The following SLC6A3 variants were observed in gnomAD, a reference collection of about 807,000 sequenced individuals.
SLC6A3 encodes sodium-dependent dopamine transporter.
In SLC6A3, 19 loss-of-function variants were observed where a neutral mutation model predicts 70.4. The ratio of observed to expected loss-of-function variants is 0.27; its 90% CI spans 0.19 to 0.40. SLC6A3 has a LOEUF of 0.40. Among genes scored for constraint, SLC6A3 ranks in the 10% least tolerant of loss-of-function variants. SLC6A3 has a pLI of 1.00. For missense variants in SLC6A3, 613 were observed against 838.5 expected (o/e 0.73, Z 3.32); for synonymous variants, 368 against 356.6 (o/e 1.03, Z -0.36).
chr5:1,443,867 G>T (rs1560929586), intron 1 of SLC6A3, among the ~76,000 whole-genome samples: 1 of 151,560 alleles, frequency 6.6e-6, no homozygotes, highest in Non-Finnish European at 1.5e-5. Context: ...TGTTGTTGTT[G>T]TTGTTTTTTT....
intron 1 of SLC6A3, among the ~76,000 whole-genome samples, chr5:1,443,705 G>A (rs1410851848): frequency 2.7e-5 from 4 of 150,826 alleles, no homozygotes; most frequent in Non-Finnish European, 1.5e-5. Context: ...ATGAGGTCTC[G>A]CTCTGTCACC....
At chr5:1,416,439 G>T in intron 6 of SLC6A3, 1 of 597,400 alleles carries the variant, frequency 1.7e-6, no homozygotes, top group Non-Finnish European at 3.0e-6. Context: ...ATTGATCTGG[G>T]ATTCCCCATG....
At chr5:1,439,144 G>A (rs1244556647) in intron 3 of SLC6A3, among the ~76,000 whole-genome samples, 1 of 152,178 alleles carries the variant, frequency 6.6e-6, no homozygotes, top group Non-Finnish European at 1.5e-5. Context: ...TGGGTCTTCC[G>A]TTGGCTGCTG....
At position 1,406,683 on chromosome 5, in the gene SLC6A3, C is replaced by T. The variant is rs952823794; in HGVS notation, c.1499-395G>A. On this transcript the variant is annotated intron_variant, in intron 11 of 14. Coordinates refer to ENST00000270349, the MANE Select transcript of SLC6A3 (RefSeq NM_001044.5). The surrounding 1 kb of genome is among the most constrained non-coding windows in gnomAD (Gnocchi z 8.8). ...AAACTTACCATTTTAGCCATTTTTA[C>T]GTGTAGAGTTCATAATGTATCAATA... is the stretch of plus-strand genomic sequence containing the variant. Among the ~76,000 whole-genome samples the T allele has an allele frequency of 2.0e-5, 3 of 152,146 alleles. No homozygotes were observed. The highest frequency in any genetic ancestry group is 1.9e-4 in the East Asian group (1 of 5,202).
chr5:1,406,208 C>T lies in SLC6A3; in HGVS notation c.1579G>A (p.Val527Ile). ...CTTACCAGGAGAAAGCAGGGGCTGACCAGCTTCCAGCACAGCCGCCAGTAC... is the reference window on the plus strand; with the variant it reads ...CTTACCAGGAGAAAGCAGGGGCTGATCAGCTTCCAGCACAGCCGCCAGTAC... ...SLYWRLCWKL[V>I]SPCFLLFVVV... The change falls in exon 12 of 15, where the codon GTC becomes ATC. Residue 527 changes from valine (V) to isoleucine (I), a missense_variant. Physicochemically the swap from Val to Ile is conservative, Grantham distance 29. Coordinates refer to ENST00000270349, the MANE Select transcript of SLC6A3 (RefSeq NM_001044.5). The surrounding 1 kb of genome is among the most constrained non-coding windows in gnomAD (Gnocchi z 8.8). 1.9e-6 allele frequency: 3 copies of T among 1,612,746 alleles called. No individual in the cohort carries two copies. Among genetic ancestry groups the T allele is most frequent in the South Asian group, 1.1e-5 (1 of 91,078 alleles).
At position 1,406,639 on chromosome 5, in the gene SLC6A3, G is replaced by A. The variant is rs1211165945; in HGVS notation, c.1499-351C>T. Among the ~76,000 whole-genome samples the A allele has an allele frequency of 6.7e-6, 1 of 149,218 alleles. No homozygotes were observed. Among genetic ancestry groups the A allele is most frequent in the Non-Finnish European group, 1.5e-5 (1 of 65,964 alleles). Reference sequence around the variant, plus strand: ...TTCTTGTTCACTTAAAAAGATTATGGTAAAATACACATAACATAAAACTTA... The same window carrying A: ...TTCTTGTTCACTTAAAAAGATTATGATAAAATACACATAACATAAAACTTA... On this transcript the variant is annotated intron_variant, in intron 11 of 14. Coordinates refer to ENST00000270349, the MANE Select transcript of SLC6A3 (RefSeq NM_001044.5). The surrounding 1 kb of genome is among the most constrained non-coding windows in gnomAD (Gnocchi z 8.8).
At position 1,401,352 on chromosome 5, in the gene SLC6A3, C is replaced by A. The variant is rs1022141683; in HGVS notation, c.1768-366G>T. On this transcript the variant is annotated intron_variant, in intron 13 of 14. Transcript: ENST00000270349. The surrounding 1 kb of genome is among the most constrained non-coding windows in gnomAD (Gnocchi z 6.1). The stretch of plus-strand genomic sequence containing the variant: ...GCTCTGAGTAAGAAAGTGCCCACAC[C>A]CAGGTGGGCTGCCTCGGGGCCACCT... The A allele has an allele frequency of 2.0e-6, 1 of 492,348 alleles. No individual in the cohort carries two copies. Among genetic ancestry groups the A allele is most frequent in the Non-Finnish European group, 3.9e-6 (1 of 253,278 alleles). The allele number at this position is 492,348 out of a possible 1,614,324, so 30.5% of individuals were successfully genotyped here.
chr5:1,393,004 C>T lies in SLC6A3; in HGVS notation c.*1731G>A, dbSNP rs950331015. 2.0e-5 allele frequency: 3 copies of T among 151,456 alleles called. No individual in the cohort carries two copies. The highest frequency in any genetic ancestry group is 6.6e-5 in the Admixed American group (1 of 15,222). 9.4% of individuals were successfully genotyped at this position (151,456 alleles called of 1,614,324 possible). Reference sequence around the variant, plus strand: ...CCTCCCCAGAAGGCAATGGGGAAGCCGCTCTCTGTGCTGACTGCAGCGGCC... The same window carrying T: ...CCTCCCCAGAAGGCAATGGGGAAGCTGCTCTCTGTGCTGACTGCAGCGGCC... On this transcript the variant is annotated 3_prime_UTR_variant, in exon 15 of 15. Coordinates refer to ENST00000270349, the MANE Select transcript of SLC6A3 (RefSeq NM_001044.5).
In SLC6A3 at chr5:1,397,030, G is replaced by A. The variant is rs890707910; in HGVS notation, c.1840-2272C>T. 6.6e-6 allele frequency among the ~76,000 whole-genome samples: 1 copy of A among 152,144 alleles called. No homozygotes were observed. The highest frequency in any genetic ancestry group is 2.4e-5 in the African/African-American group (1 of 41,428). ...GGTGACAAATTAATAATTTAAAAAT[G>A]GCCACATGTGGATTAATGATAAGAT... On this transcript the variant is annotated intron_variant, in intron 14 of 14. Coordinates refer to ENST00000270349, the MANE Select transcript of SLC6A3 (RefSeq NM_001044.5). This position sits in a 1 kb window ranked among gnomAD's most constrained non-coding sequence, Gnocchi z 4.7.
intron 11 of SLC6A3, among the ~76,000 whole-genome samples, chr5:1,407,327 A>C (rs894925418): frequency 6.6e-6 from 1 of 152,188 alleles, no homozygotes; most frequent in Non-Finnish European, 1.5e-5. Context: ...AGCTCTGAAC[A>C]TGAGAGATGG....
At position 1,394,279 on chromosome 5, in the gene SLC6A3, G is replaced by A. The variant is rs1717196751; in HGVS notation, c.*456C>T. The A allele has an allele frequency of 3.4e-5, 8 of 235,728 alleles. No homozygotes were observed. In the South Asian group the frequency reaches 4.8e-4, roughly 14 times the overall value. 14.6% of individuals were successfully genotyped at this position (235,728 alleles called of 1,614,324 possible). On this transcript the variant is annotated 3_prime_UTR_variant, in exon 15 of 15. Transcript: ENST00000270349. This position sits in a 1 kb window ranked among gnomAD's most constrained non-coding sequence, Gnocchi z 4.7. ...CACAGCTAAACCAAGCAGGACACTT[G>A]GCTTTTTAATATGGGCAAAGTAAAT... is the stretch of plus-strand genomic sequence containing the variant.
intron 11 of SLC6A3, among the ~76,000 whole-genome samples, chr5:1,407,704 CTA>C (rs2126335338): frequency 6.6e-6 from 1 of 152,288 alleles, no homozygotes; most frequent in South Asian, 2.1e-4. Flanking sequence ...CTGTGAAGGT[CTA>C]TGTTTTGTTC....
At chr5:1,431,614 C>T (rs1483330636) in intron 4 of SLC6A3, among the ~76,000 whole-genome samples, 5 of 74,730 alleles carry the variant, frequency 6.7e-5, no homozygotes, top group Middle Eastern at 8.3e-3. Context: ...CGGGCCTGGC[C>T]GGGGTGGACG....
chr5:1,409,943 C>CG (rs1756075888), intron 9 of SLC6A3, 94 bp from the exon 10 acceptor site: 1 of 1,512,650 alleles, frequency 6.6e-7, no homozygotes, highest in South Asian at 1.1e-5. Flanking sequence ...GACGCACACC[C>CG]GGGGATGGAC....
chr5:1,426,868 G>T (rs1204906557), intron 4 of SLC6A3, among the ~76,000 whole-genome samples: 1 of 152,188 alleles, frequency 6.6e-6, no homozygotes, highest in East Asian at 1.9e-4. Context: ...TGATGGTGAT[G>T]GTTGCACAAC....
In SLC6A3 at chr5:1,442,820, G is replaced by A; in HGVS notation, c.286+92C>T. 1 of 1,319,356 alleles carries A rather than the reference G, an allele frequency of 7.6e-7. No homozygotes were observed. Among genetic ancestry groups the A allele is most frequent in the Non-Finnish European group, 1.1e-6 (1 of 916,900 alleles). 81.7% of individuals were successfully genotyped at this position (1,319,356 alleles called of 1,614,324 possible). A position where few individuals can be genotyped will look rare whatever the true frequency, so the allele number is the denominator to read the frequency against. ...AGCTCCGTCTTCACGCATGGGAACA[G>A]CTTCATCTCGTTTCCGTACGTGCCT... On this transcript the variant is annotated intron_variant, in intron 2 of 14. Coordinates refer to ENST00000270349, the MANE Select transcript of SLC6A3 (RefSeq NM_001044.5). The surrounding 1 kb of genome is among the most constrained non-coding windows in gnomAD (Gnocchi z 5.0).
intron 4 of SLC6A3, among the ~76,000 whole-genome samples, chr5:1,423,615 C>T (rs1040835992): frequency 2.6e-5 from 4 of 152,224 alleles, no homozygotes; most frequent in Admixed American, 2.6e-4. Flanking sequence ...AAGGGCAGAA[C>T]AGAGGGTGAG....
At chr5:1,423,880 T>C (rs1449888436) in intron 4 of SLC6A3, among the ~76,000 whole-genome samples, 1 of 152,098 alleles carries the variant, frequency 6.6e-6, no homozygotes, top group Non-Finnish European at 1.5e-5. Flanking sequence ...ACTGCCCAGG[T>C]TTGCTTCTGT....
intron 4 of SLC6A3, among the ~76,000 whole-genome samples, chr5:1,429,942 A>C (rs1335592593): frequency 1.3e-5 from 2 of 152,218 alleles, no homozygotes; most frequent in Non-Finnish European, 2.9e-5. Context: ...GTTAAAATCT[A>C]CTTGGACAAA....
Sources: gnomAD v4.1 joint callset for allele counts (sites outside exome capture counted in the v4.1 genomes callset) on GRCh38, gnomAD v4.1.1 for gene constraint, Gnocchi (gnomAD v3.1) non-coding constraint, MANE v1.5 for transcripts, NCBI Gene and HGNC (gene_info 2026-07-23, HGNC 2026-07-21) for gene names.